WNK2: variants seen among roughly 807,000 people sequenced by gnomAD.
WNK2 encodes WNK lysine deficient protein kinase 2, also known as serine/threonine-protein kinase WNK2.
WNK2 carries 67 observed loss-of-function variants against 192.1 expected under a neutral mutation model. The observed-to-expected ratio is 0.35, with a 90% CI of 0.29 to 0.43. WNK2 has a LOEUF of 0.43. Ranked by LOEUF, WNK2 falls within the 20% of genes least tolerant of loss-of-function variation. The probability of loss-of-function intolerance (pLI) is 1.00; values close to 1 mark genes in which losing one functional copy is unlikely to be tolerated. For synonymous variants in WNK2, 1,439 were observed against 1,393.9 expected (o/e 1.03, Z -0.72); for missense variants, 2,698 against 3,089.7 (o/e 0.87, Z 3.01).
At chr9:93,295,449 T>TA (rs576510048) in intron 23 of WNK2, among the ~76,000 whole-genome samples, 42 of 150,108 alleles carry the variant, frequency 2.8e-4, no homozygotes, top group Non-Finnish European at 4.6e-4. Flanking sequence ...AGGAAGTCAT[T>TA]AAAAAAAAAC....
intron 19 of WNK2, among the ~76,000 whole-genome samples, chr9:93,287,923 G>A (rs1159529206): frequency 6.6e-6 from 1 of 152,220 alleles, no homozygotes; most frequent in African/African-American, 2.4e-5. Context: ...TTATCCAGCT[G>A]TGGTCCGAGC....
At chr9:93,285,629 T>C (rs1485267288) in intron 19 of WNK2, among the ~76,000 whole-genome samples, 1 of 152,210 alleles carries the variant, frequency 6.6e-6, no homozygotes, top group Non-Finnish European at 1.5e-5. Context: ...TTCAGTATTA[T>C]AAACACTTCT....
chr9:93,230,727 C>G (rs1337743798), intron 3 of WNK2, among the ~76,000 whole-genome samples, 161 bp from the exon 4 acceptor site: 2 of 152,274 alleles, frequency 1.3e-5, no homozygotes, highest in Non-Finnish European at 2.9e-5. Context: ...CAGGGCGGAA[C>G]TGTCCGGCCC....
In WNK2 at chr9:93,256,280, G is replaced by T. The variant is rs575425070; in HGVS notation, c.2035-19G>T. 51 of 1,519,596 alleles carry T rather than the reference G, an allele frequency of 3.4e-5. No individual in the cohort carries two copies. The South Asian group carries it at 6.1e-4, about 18-fold the overall frequency. The allele number at this position is 1,519,596 out of a possible 1,614,324, so 94.1% of individuals were successfully genotyped here. A position where few individuals can be genotyped will look rare whatever the true frequency, so the allele number is the denominator to read the frequency against. On this transcript the variant is annotated intron_variant, in intron 9 of 29. Transcript: ENST00000427277. ...TGGCCGAGAGCTGCTGCTGAGTGTG[G>T]CCCTGGTGCTCTCTGCAGCCTGGCT...
intron 5 of WNK2, among the ~76,000 whole-genome samples, chr9:93,235,459 C>T (rs962694498): frequency 6.6e-6 from 1 of 152,246 alleles, no homozygotes; most frequent in Non-Finnish European, 1.5e-5. Flanking sequence ...CAGTCGTCAG[C>T]GCCAGGCAGC....
At chr9:93,187,732 G>A (rs1048219605) in intron 2 of WNK2, among the ~76,000 whole-genome samples, 2 of 152,156 alleles carry the variant, frequency 1.3e-5, no homozygotes, top group Admixed American at 6.5e-5. Context: ...GTAGAGTGGT[G>A]TAGGCTGACT....
In WNK2 at chr9:93,259,294, T is replaced by A. The variant is rs1244359063; in HGVS notation, c.2746T>A (p.Phe916Ile). The A allele has an allele frequency of 6.2e-7, 1 of 1,613,346 alleles. No homozygotes were observed. Among genetic ancestry groups the A allele is most frequent in the African/African-American group, 1.3e-5 (1 of 74,796 alleles). The change falls in exon 12 of 30, where the codon TTC becomes ATC. Residue 916 changes from phenylalanine to isoleucine, a missense_variant. Physicochemically the swap from Phe to Ile is conservative, Grantham distance 21. Coordinates refer to ENST00000427277, the MANE Select transcript of WNK2 (RefSeq NM_006648.4). The surrounding 1 kb of genome is among the most constrained non-coding windows in gnomAD (Gnocchi z 4.8). ...LPGQPVYPAAFPQMAPTDVPP... is the reference protein window; with the variant it reads ...LPGQPVYPAAIPQMAPTDVPP... ...AGGCCAACCTGTGTACCCAGCGGCC[T>A]TCCCACAGATGGCGCCTACTGACGT...
At chr9:93,290,622 G>A (rs1030775791) in intron 21 of WNK2, among the ~76,000 whole-genome samples, 14 of 152,218 alleles carry the variant, frequency 9.2e-5, no homozygotes, top group African/African-American at 2.7e-4. Flanking sequence ...CACACGTTCC[G>A]GTGGACCCAC....
intron 26 of WNK2, 200 bp from the exon 27 acceptor site, chr9:93,306,577 C>T (rs529012506): frequency 1.9e-5 from 12 of 626,940 alleles, no homozygotes; most frequent in South Asian, 6.0e-5. Context: ...TCTGCCCCCT[C>T]GGCGAAGCTC....
intron 21 of WNK2, among the ~76,000 whole-genome samples, chr9:93,290,872 C>T (rs186512850): frequency 6.6e-6 from 1 of 152,306 alleles, no homozygotes; most frequent in Non-Finnish European, 1.5e-5. Context: ...CTCAGTGTCC[C>T]TTCTAAGGGA....
At chr9:93,198,658 C>A (rs1029666694) in intron 2 of WNK2, among the ~76,000 whole-genome samples, 21 of 152,212 alleles carry the variant, frequency 1.4e-4, no homozygotes, top group Non-Finnish European at 1.0e-4. Flanking sequence ...TCTGATGTGG[C>A]AGTTTTCACT....
At position 93,317,555 on chromosome 9, in the gene WNK2, T is replaced by C; in HGVS notation, c.6552T>C (p.Arg2184=). 2.5e-6 allele frequency: 4 copies of C among 1,613,654 alleles called. No homozygotes were observed. Among genetic ancestry groups the C allele is most frequent in the Non-Finnish European group, 3.4e-6 (4 of 1,179,882 alleles). ...CTCGAGCAGGAGTGGGGATGCCACG[T>C]CTGCCCCCAGCGCCCGGCCCTCTGT... ...TAPRAGVGMP[R]LPPAPGPLST... Residue 2184 remains arginine (R), a synonymous_variant, in exon 29 of 30, where the codon CGT becomes CGC. Coordinates refer to ENST00000427277, the MANE Select transcript of WNK2 (RefSeq NM_006648.4).
chr9:93,200,122 G>T (rs1458507288), intron 2 of WNK2, among the ~76,000 whole-genome samples: 1 of 152,134 alleles, frequency 6.6e-6, no homozygotes, highest in African/African-American at 2.4e-5. Flanking sequence ...CACCATGGGG[G>T]GTTGCAGGAG....
intron 4 of WNK2, 145 bp from the exon 5 acceptor site, chr9:93,234,663 G>T (rs1348298343): frequency 2.1e-6 from 2 of 946,922 alleles, no homozygotes; most frequent in African/African-American, 3.3e-5. Context: ...GGCAGGGCTG[G>T]CCCTGGGGTC....
chr9:93,185,682 G>A, intron 2 of WNK2, 72 bp downstream of exon 2: 1 of 1,528,668 alleles, frequency 6.5e-7, no homozygotes, highest in East Asian at 2.4e-5. Flanking sequence ...GCCTGTCCTT[G>A]CTCCTGCGCC....
chr9:93,253,262 C>T (rs567259965), intron 9 of WNK2, among the ~76,000 whole-genome samples, 180 bp downstream of exon 9: 1 of 152,112 alleles, frequency 6.6e-6, no homozygotes, highest in South Asian at 2.1e-4. Flanking sequence ...AAAGCCAGGC[C>T]CAGAGGAAAG....
In WNK2 at chr9:93,301,697, C is replaced by G. The variant is rs558596104; in HGVS notation, c.6214+1548C>G. Reference sequence around the variant, plus strand: ...GCCTCACTTGCTGCTCCTCTTCCGGCTCCTGCATGTGCGGCTCGATCTGGG... The same window carrying G: ...GCCTCACTTGCTGCTCCTCTTCCGGGTCCTGCATGTGCGGCTCGATCTGGG... On this transcript the variant is annotated intron_variant, in intron 26 of 29. Coordinates refer to ENST00000427277, the MANE Select transcript of WNK2 (RefSeq NM_006648.4). Among the ~76,000 whole-genome samples, 19 of 152,342 alleles carry G rather than the reference C, an allele frequency of 1.2e-4. 1 individual carries two copies. Among genetic ancestry groups the G allele is most frequent in the Admixed American group, 1.1e-3 (17 of 15,306 alleles).
chr9:93,252,901 G>A lies in WNK2; in HGVS notation c.1853G>A (p.Ser618Asn). 6.6e-7 allele frequency: 1 copy of A among 1,506,488 alleles called. No homozygotes were observed. Among genetic ancestry groups the A allele is most frequent in the Non-Finnish European group, 8.9e-7 (1 of 1,123,616 alleles). 93.3% of individuals were successfully genotyped at this position (1,506,488 alleles called of 1,614,324 possible). A position where few individuals can be genotyped will look rare whatever the true frequency, so the allele number is the denominator to read the frequency against. The change falls in exon 9 of 30, where the codon AGC becomes AAC. Residue 618 changes from serine (S) to asparagine (N), a missense_variant. By Grantham distance (46) the Ser-to-Asn change is conservative. This residue lies in a region of WNK2 where 893 missense variants were observed against 909.0 expected (regional missense o/e 0.98). Transcript: ENST00000427277. ...TCCCCAGCGGACAGCACCTTCGACA[G>A]CGGCCAGGGCTCTACCGTGTACTCA... ...TSLASDSTFD[S>N]GQGSTVYSDS...
At chr9:93,193,379 G>T (rs1830676187) in intron 2 of WNK2, among the ~76,000 whole-genome samples, 1 of 152,146 alleles carries the variant, frequency 6.6e-6, no homozygotes, top group Non-Finnish European at 1.5e-5. Flanking sequence ...AGCACACAGG[G>T]GCCTCAGGTC....
Sources: gnomAD v4.1 joint callset for allele counts (sites outside exome capture counted in the v4.1 genomes callset) on GRCh38, gnomAD v4.1.1 for gene constraint, gnomAD v4.1.1 regional missense constraint, Gnocchi (gnomAD v3.1) non-coding constraint, MANE v1.5 for transcripts, NCBI Gene and HGNC (gene_info 2026-07-23, HGNC 2026-07-21) for gene names.